Variants in EVX2 observed in about 807,000 individuals in gnomAD.
EVX2 encodes even-skipped homeobox 2.
Under a neutral mutation model 19.2 loss-of-function variants are expected in EVX2, and 10 were observed. The ratio of observed to expected loss-of-function variants is 0.52; its 90% CI spans 0.32 to 0.89. The LOEUF is 0.89. Ranked by LOEUF, EVX2 falls within the 40% of genes least tolerant of loss-of-function variation. The pLI is 0.03. For missense variants in EVX2, 710 were observed against 694.9 expected (o/e 1.02, Z -0.24); for synonymous variants, 354 against 328.4 (o/e 1.08, Z -0.84).
chr2:176,082,463 G>T lies in EVX2; in HGVS notation c.428-14C>A, dbSNP rs747826207. 2.6e-6 allele frequency: 4 copies of T among 1,532,748 alleles called. No homozygotes were observed. The highest frequency in any genetic ancestry group is 2.6e-6 in the Non-Finnish European group (3 of 1,141,506). The allele number at this position is 1,532,748 out of a possible 1,614,324, so 94.9% of individuals were successfully genotyped here. On this transcript the variant is annotated splice_polypyrimidine_tract_variant and intron_variant, in intron 1 of 2. Transcript: ENST00000308618. This position sits in a 1 kb window ranked among gnomAD's most constrained non-coding sequence, Gnocchi z 5.2. ...TCTCTGCGTACCCTGGCAAACAAAC[G>T]ACCAACAGCGCATGAGTGGCTGTAG...
In EVX2 at chr2:176,079,601, T is replaced by A. The variant is rs1338729578; in HGVS notation, c.*506A>T. On this transcript the variant is annotated 3_prime_UTR_variant, in exon 3 of 3. Transcript: ENST00000308618. This position sits in a 1 kb window ranked among gnomAD's most constrained non-coding sequence, Gnocchi z 4.4. ...AGAACGTTTGCCACCTCCCCCACCC[T>A]CGTTGAAAGAAAAGGAAGAAAAACA... 1 of 152,920 alleles carries A rather than the reference T, an allele frequency of 6.5e-6. No homozygotes were observed. The highest frequency in any genetic ancestry group is 2.4e-5 in the African/African-American group (1 of 41,210). 9.5% of individuals were successfully genotyped at this position (152,920 alleles called of 1,614,324 possible).
chr2:176,080,817 T>A lies in EVX2; in HGVS notation c.721A>T (p.Met241Leu). 1 of 1,612,132 alleles carries A rather than the reference T, an allele frequency of 6.2e-7. No homozygotes were observed. Among genetic ancestry groups the A allele is most frequent in the Non-Finnish European group, 8.5e-7 (1 of 1,179,594 alleles). Residue 241 changes from methionine to leucine, a missense_variant, in exon 3 of 3, where the codon ATG (methionine) becomes TTG (leucine). By Grantham distance (15) the Met-to-Leu change is conservative. Coordinates refer to ENST00000308618, the MANE Select transcript of EVX2 (RefSeq NM_001080458.2). The surrounding 1 kb of genome is among the most constrained non-coding windows in gnomAD (Gnocchi z 7.0). ...TIKVWFQNRRMKDKRQRLAMS... is the reference protein window; with the variant it reads ...TIKVWFQNRRLKDKRQRLAMS... ...GCCAGGCGCTGCCGCTTGTCCTTCATGCGCCGGTTCTGGAACCACACCTGC... is the reference window on the plus strand; with the variant it reads ...GCCAGGCGCTGCCGCTTGTCCTTCAAGCGCCGGTTCTGGAACCACACCTGC...
In EVX2 at chr2:176,080,017, G is replaced by A. The variant is rs1380057693; in HGVS notation, c.*90C>T. 9.3e-6 allele frequency: 12 copies of A among 1,289,858 alleles called. No homozygotes were observed. Among genetic ancestry groups the A allele is most frequent in the South Asian group, 4.7e-5 (2 of 42,134 alleles). The allele number at this position is 1,289,858 out of a possible 1,614,324, so 79.9% of individuals were successfully genotyped here. A position where few individuals can be genotyped will look rare whatever the true frequency, so the allele number is the denominator to read the frequency against. ...GCCCCCTGGCGGCAGCGGCAGCAGC[G>A]GGCAACGCGCGGAGGGCTCAGGGGG... On this transcript the variant is annotated 3_prime_UTR_variant, in exon 3 of 3. Transcript: ENST00000308618. The surrounding 1 kb of genome is among the most constrained non-coding windows in gnomAD (Gnocchi z 7.0).
At position 176,080,212 on chromosome 2, in the gene EVX2, C is replaced by T. The variant is rs751762331; in HGVS notation, c.1326G>A (p.Ala442=). ...GGGSDFGCSA[A]APRSESGFLP... ...GGAAGCCGCTCTCGGAACGCGGCGC[C>T]GCCGCGCTGCAGCCGAAGTCCGAGC... The change falls in exon 3 of 3, where the codon GCG becomes GCA. Residue 442 remains alanine, a synonymous_variant. Coordinates refer to ENST00000308618, the MANE Select transcript of EVX2 (RefSeq NM_001080458.2). The surrounding 1 kb of genome is among the most constrained non-coding windows in gnomAD (Gnocchi z 7.0). 26 of 1,452,386 alleles carry T rather than the reference C, an allele frequency of 1.8e-5. No homozygotes were observed. Among genetic ancestry groups the T allele is most frequent in the Non-Finnish European group, 2.4e-5 (26 of 1,100,858 alleles). The allele number at this position is 1,452,386 out of a possible 1,614,324, so 90.0% of individuals were successfully genotyped here. A position where few individuals can be genotyped will look rare whatever the true frequency, so the allele number is the denominator to read the frequency against.
chr2:176,083,235 T>C lies in EVX2; in HGVS notation c.427+115A>G. On this transcript the variant is annotated intron_variant, in intron 1 of 2. Transcript: ENST00000308618. This position sits in a 1 kb window ranked among gnomAD's most constrained non-coding sequence, Gnocchi z 4.4. ...CCCGCCCCCGCCCGTGCTAGCTCGG[T>C]GTAGCTTGCCTGTGGAGGGTCTGAG... 2 of 1,090,336 alleles carry C rather than the reference T, an allele frequency of 1.8e-6. No individual in the cohort carries two copies. The highest frequency in any genetic ancestry group is 2.6e-6 in the Non-Finnish European group (2 of 766,038). The allele number at this position is 1,090,336 out of a possible 1,614,324, so 67.5% of individuals were successfully genotyped here.
In EVX2 at chr2:176,077,518, C is replaced by T. The variant is rs1689074814; in HGVS notation, c.*2589G>A. 1.3e-5 allele frequency: 2 copies of T among 152,088 alleles called. No homozygotes were observed. The highest frequency in any genetic ancestry group is 1.5e-5 in the Non-Finnish European group (1 of 68,002). 9.4% of individuals were successfully genotyped at this position (152,088 alleles called of 1,614,324 possible). On this transcript the variant is annotated 3_prime_UTR_variant, in exon 3 of 3. Transcript: ENST00000308618. Reference sequence around the variant, plus strand: ...TTACATGACCAAACACAATAAATAACGTAATATACAAGGCTTTATAATTAT... The same window carrying T: ...TTACATGACCAAACACAATAAATAATGTAATATACAAGGCTTTATAATTAT...
In EVX2 at chr2:176,083,351, T is replaced by G. The variant is rs2105372602; in HGVS notation, c.426A>C (p.Lys142Asn). ...GCGCGGTGCGGCCGGCGCGGTTACC[T>G]TTGCCATTGTTTTCCTTAAGCTGAG... ...GAAQLKENNG[K>N]GYAESGSAAG... Residue 142 changes from lysine to asparagine, a missense_variant and splice_region_variant, in exon 1 of 3, where the codon AAA becomes AAC. Transcript: ENST00000308618. This position sits in a 1 kb window ranked among gnomAD's most constrained non-coding sequence, Gnocchi z 4.4. 6.3e-7 allele frequency: 1 copy of G among 1,583,658 alleles called. No individual in the cohort carries two copies. Among genetic ancestry groups the G allele is most frequent in the Middle Eastern group, 1.7e-4 (1 of 5,864 alleles).
In EVX2 at chr2:176,078,290, T is replaced by C. The variant is rs1477842369; in HGVS notation, c.*1817A>G. On this transcript the variant is annotated 3_prime_UTR_variant, in exon 3 of 3. Coordinates refer to ENST00000308618, the MANE Select transcript of EVX2 (RefSeq NM_001080458.2). The stretch of plus-strand genomic sequence containing the variant: ...TTAAGAGCACGGATATATATATGCA[T>C]ATACATACATATACATATATATACA... 1.3e-5 allele frequency: 2 copies of C among 152,236 alleles called. No individual in the cohort carries two copies. Among genetic ancestry groups the C allele is most frequent in the Admixed American group, 6.5e-5 (1 of 15,284 alleles). 9.4% of individuals were successfully genotyped at this position (152,236 alleles called of 1,614,324 possible). A position where few individuals can be genotyped will look rare whatever the true frequency, so the allele number is the denominator to read the frequency against.
In EVX2 at chr2:176,080,914, C is replaced by G; in HGVS notation, c.700-76G>C. 1 of 1,498,774 alleles carries G rather than the reference C, an allele frequency of 6.7e-7. No individual in the cohort carries two copies. Among genetic ancestry groups the G allele is most frequent in the Non-Finnish European group, 8.9e-7 (1 of 1,123,598 alleles). 92.8% of individuals were successfully genotyped at this position (1,498,774 alleles called of 1,614,324 possible). A position where few individuals can be genotyped will look rare whatever the true frequency, so the allele number is the denominator to read the frequency against. On this transcript the variant is annotated intron_variant, in intron 2 of 2. Coordinates refer to ENST00000308618, the MANE Select transcript of EVX2 (RefSeq NM_001080458.2). This position sits in a 1 kb window ranked among gnomAD's most constrained non-coding sequence, Gnocchi z 7.0. ...CAGCTCCTGTCCCAGGACCTCTGCC[C>G]CTTCCGGACCTCTGAATGGCTTGGT...
In EVX2 at chr2:176,083,470, C is replaced by T. The variant is rs1177333090; in HGVS notation, c.307G>A (p.Gly103Ser). The T allele has an allele frequency of 1.2e-6, 2 of 1,614,176 alleles. No homozygotes were observed. The highest frequency in any genetic ancestry group is 1.7e-6 in the Non-Finnish European group (2 of 1,180,048). ...TCAGCGGCCGCCTCTGAATAATGGC[C>T]CGGCTTCTTGCGGCTCTCGGCGGCG... Reference protein sequence around the residue: ...SSAAESRKKPGHYSEAAAEAD... With the variant: ...SSAAESRKKPSHYSEAAAEAD... The change falls in exon 1 of 3, where the codon GGC becomes AGC. Residue 103 changes from glycine (G) to serine (S), a missense_variant. Physicochemically the swap from Gly to Ser is moderately conservative, Grantham distance 56. Coordinates refer to ENST00000308618, the MANE Select transcript of EVX2 (RefSeq NM_001080458.2). The surrounding 1 kb of genome is among the most constrained non-coding windows in gnomAD (Gnocchi z 4.4).
At position 176,080,160 on chromosome 2, in the gene EVX2, T is replaced by C; in HGVS notation, c.1378A>G (p.Lys460Glu). 6.5e-7 allele frequency: 1 copy of C among 1,539,792 alleles called. No homozygotes were observed. The highest frequency in any genetic ancestry group is 8.7e-7 in the Non-Finnish European group (1 of 1,147,704). ...FLPYSAAVLSKTAVSPPDQRD... is the reference protein window; with the variant it reads ...FLPYSAAVLSETAVSPPDQRD... ...TGGTCCGGCGGGCTCACGGCCGTCTTACTAAGCACCGCGGCCGAGTAGGGC... is the reference window on the plus strand; with the variant it reads ...TGGTCCGGCGGGCTCACGGCCGTCTCACTAAGCACCGCGGCCGAGTAGGGC... Residue 460 changes from lysine (K) to glutamate (E), a missense_variant, in exon 3 of 3, where the codon AAG becomes GAG. Lys to Glu is a moderately conservative substitution (Grantham distance 56). Coordinates refer to ENST00000308618, the MANE Select transcript of EVX2 (RefSeq NM_001080458.2). This position sits in a 1 kb window ranked among gnomAD's most constrained non-coding sequence, Gnocchi z 7.0.
At position 176,082,521 on chromosome 2, in the gene EVX2, A is replaced by G. The variant is rs1689164391; in HGVS notation, c.428-72T>C. 6.8e-7 allele frequency: 1 copy of G among 1,476,764 alleles called. No individual in the cohort carries two copies. Among genetic ancestry groups the G allele is most frequent in the Non-Finnish European group, 9.0e-7 (1 of 1,116,212 alleles). 91.5% of individuals were successfully genotyped at this position (1,476,764 alleles called of 1,614,324 possible). A position where few individuals can be genotyped will look rare whatever the true frequency, so the allele number is the denominator to read the frequency against. ...AGCCCGGCGCTGGCGCTGCGCGCGGATCGGGGAAGCCCCGTCAGGAAGGAG... is the reference window on the plus strand; with the variant it reads ...AGCCCGGCGCTGGCGCTGCGCGCGGGTCGGGGAAGCCCCGTCAGGAAGGAG... On this transcript the variant is annotated intron_variant, in intron 1 of 2. Transcript: ENST00000308618. The surrounding 1 kb of genome is among the most constrained non-coding windows in gnomAD (Gnocchi z 5.2).
Position 176,080,337 on chromosome 2 carries a change from C to T in EVX2, c.1201G>A (p.Ala401Thr). 7.9e-7 allele frequency: 1 copy of T among 1,272,878 alleles called. No homozygotes were observed. 78.8% of individuals were successfully genotyped at this position (1,272,878 alleles called of 1,614,324 possible). The change falls in exon 3 of 3, where the codon GCC (alanine) becomes ACC (threonine). Residue 401 changes from alanine to threonine, a missense_variant. Ala to Thr is a moderately conservative substitution (Grantham distance 58, BLOSUM62 0). Transcript: ENST00000308618. The surrounding 1 kb of genome is among the most constrained non-coding windows in gnomAD (Gnocchi z 7.0). ...SCHSSQSAAA[A>T]AAAAAAALGS... ...AGGGCTGCGGCAGCTGCTGCCGCGG[C>T]TGCCGCCGCCGACTGACTGCTGTGG...
chr2:176,082,561 T>C lies in EVX2; in HGVS notation c.428-112A>G, dbSNP rs1689164950. 7.9e-7 allele frequency: 1 copy of C among 1,266,026 alleles called. No homozygotes were observed. Among genetic ancestry groups the C allele is most frequent in the African/African-American group, 1.6e-5 (1 of 64,308 alleles). The allele number at this position is 1,266,026 out of a possible 1,614,324, so 78.4% of individuals were successfully genotyped here. On this transcript the variant is annotated intron_variant, in intron 1 of 2. Coordinates refer to ENST00000308618, the MANE Select transcript of EVX2 (RefSeq NM_001080458.2). The surrounding 1 kb of genome is among the most constrained non-coding windows in gnomAD (Gnocchi z 5.2). The stretch of plus-strand genomic sequence containing the variant: ...TCAGGAAGGAGAGTCGCTGCCGGAA[T>C]TGATGGGGTCTGTCATGCTTACAAA...
chr2:176,080,281 A>ACCG lies in EVX2; in HGVS notation c.1254_1256dup (p.Gly428dup), dbSNP rs755759672. The ACCG allele has an allele frequency of 9.5e-6, 12 of 1,267,492 alleles. No individual in the cohort carries two copies. The highest frequency in any genetic ancestry group is 3.9e-5 in the Admixed American group (1 of 25,950). The allele number at this position is 1,267,492 out of a possible 1,614,324, so 78.5% of individuals were successfully genotyped here. The stretch of plus-strand genomic sequence containing the variant: ...CCCCGCCGCCGCCGCCACCACCACC[A>ACCG]CCGCCGCCGCCACCGCCACCCCGGG... On this transcript the variant is annotated inframe_insertion, in exon 3 of 3. Transcript: ENST00000308618. This position sits in a 1 kb window ranked among gnomAD's most constrained non-coding sequence, Gnocchi z 7.0.
At position 176,082,939 on chromosome 2, in the gene EVX2, C is replaced by T. The variant is rs77989973; in HGVS notation, c.427+411G>A. Among the ~76,000 whole-genome samples, 826 of 152,356 alleles carry T rather than the reference C, an allele frequency of 5.4e-3. 7 individuals carry two copies. Among genetic ancestry groups the T allele is most frequent in the African/African-American group, 0.019 (776 of 41,592 alleles). ...TAAACAGAGACGCCGGCGAGGCTTC[C>T]TCCGACTTACCCAGAAGAATGCCCC... On this transcript the variant is annotated intron_variant, in intron 1 of 2. Coordinates refer to ENST00000308618, the MANE Select transcript of EVX2 (RefSeq NM_001080458.2). The surrounding 1 kb of genome is among the most constrained non-coding windows in gnomAD (Gnocchi z 5.2).
At position 176,083,931 on chromosome 2, in the gene EVX2, G is replaced by A; in HGVS notation, c.-155C>T. The A allele has an allele frequency of 3.1e-6, 2 of 651,406 alleles. No homozygotes were observed. Among genetic ancestry groups the A allele is most frequent in the East Asian group, 2.7e-5 (1 of 36,980 alleles). 40.4% of individuals were successfully genotyped at this position (651,406 alleles called of 1,614,324 possible). A position where few individuals can be genotyped will look rare whatever the true frequency, so the allele number is the denominator to read the frequency against. On this transcript the variant is annotated 5_prime_UTR_variant, in exon 1 of 3. Coordinates refer to ENST00000308618, the MANE Select transcript of EVX2 (RefSeq NM_001080458.2). This position sits in a 1 kb window ranked among gnomAD's most constrained non-coding sequence, Gnocchi z 4.4. ...AAAAATTGTGGGATGCCAGAGCGAG[G>A]GAATGACTGGTCAAAATGACCCATA...
chr2:176,080,434 A>C lies in EVX2; in HGVS notation c.1104T>G (p.Ala368=), dbSNP rs1282135211. Residue 368 remains alanine, a synonymous_variant, in exon 3 of 3, where the codon GCT becomes GCG. Transcript: ENST00000308618. This position sits in a 1 kb window ranked among gnomAD's most constrained non-coding sequence, Gnocchi z 7.0. ...CGGCCGCCGCCGCCGAGGAGGCCGC[A>C]GCCGCTGCGGCTGCCGCGGCTGCCG... ...SAAAAAAAAA[A]AASSAAAAGA... 1 of 1,116,828 alleles carries C rather than the reference A, an allele frequency of 9.0e-7. No individual in the cohort carries two copies. The highest frequency in any genetic ancestry group is 1.1e-6 in the Non-Finnish European group (1 of 917,050). 69.2% of individuals were successfully genotyped at this position (1,116,828 alleles called of 1,614,324 possible).
In EVX2 at chr2:176,081,955, A is replaced by G. The variant is rs753929443; in HGVS notation, c.699+223T>C. On this transcript the variant is annotated intron_variant, in intron 2 of 2. Transcript: ENST00000308618. The surrounding 1 kb of genome is among the most constrained non-coding windows in gnomAD (Gnocchi z 5.9). ...TGGAGCAGGGGCGAGTGCTTTCAGC[A>G]TTGGAGTCACCATTCGGGGGCCTTC... 5.3e-5 allele frequency among the ~76,000 whole-genome samples: 8 copies of G among 152,202 alleles called. No homozygotes were observed. Among genetic ancestry groups the G allele is most frequent in the Non-Finnish European group, 1.0e-4 (7 of 68,038 alleles).
Sources: allele counts gnomAD v4.1 joint callset (sites outside exome capture counted in the v4.1 genomes callset), GRCh38; gene constraint gnomAD v4.1.1; non-coding constraint Gnocchi (gnomAD v3.1); transcripts MANE v1.5; gene names NCBI Gene and HGNC (gene_info 2026-07-23, HGNC 2026-07-21).